The following EED variants were observed in gnomAD, a reference collection of about 807,000 sequenced individuals.
The protein encoded by EED is polycomb protein EED.
In EED, 9 loss-of-function variants were observed where a neutral mutation model predicts 61.0. The ratio of observed to expected loss-of-function variants is 0.15; its 90% CI spans 0.09 to 0.26. The LOEUF (loss-of-function observed/expected upper bound fraction) is 0.26, where lower values mean the gene tolerates loss of function less well. Ranked by LOEUF, EED falls within the 10% of genes least tolerant of loss-of-function variation. The probability of loss-of-function intolerance (pLI) is 1.00; values close to 1 mark genes in which losing one functional copy is unlikely to be tolerated. For synonymous variants in EED, 187 were observed against 174.4 expected, an observed-to-expected ratio of 1.07 and a Z score of -0.57; for missense variants, 315 against 542.3, an observed-to-expected ratio of 0.58 and a Z score of 4.16.
rs1406291188 is a variant in EED at position 86,245,275 on chromosome 11, C to T, written c.46C>T (p.Pro16Ser). ...GACTGCGCCGGCGGGAACAGACATG[C>T]CTGCGGCCAAGAAGCAGAAGCTGAG... ...VSTAPAGTDM[P>S]AAKKQKLSSD... The change falls in exon 1 of 12, where the codon CCT becomes TCT. Residue 16 changes from proline to serine, a missense_variant. By Grantham distance (74) the Pro-to-Ser change is moderately conservative. This residue lies in a region of EED where 110 missense variants were observed against 86.9 expected (regional missense o/e 1.27). Coordinates refer to ENST00000263360, the MANE Select transcript of EED (RefSeq NM_003797.5). 6.2e-7 allele frequency: 1 copy of T among 1,613,532 alleles called. No homozygotes were observed. The highest frequency in any genetic ancestry group is 1.1e-5 in the South Asian group (1 of 91,064).
intron 8 of EED, 85 bp downstream of exon 8, chr11:86,266,301 C>A (rs1406156584): frequency 8.2e-7 from 1 of 1,225,634 alleles, no homozygotes; most frequent in South Asian, 1.9e-5. Flanking sequence ...CTATATAAGC[C>A]CCAACAATGA....
downstream of EED, among the ~76,000 whole-genome samples, chr11:86,280,382 T>C (rs542045700): frequency 2.0e-5 from 3 of 152,302 alleles, 1 homozygote; most frequent in African/African-American, 7.2e-5. Context: ...ATCAGCCACA[T>C]GTTTATACTC....
downstream of EED, among the ~76,000 whole-genome samples, chr11:86,283,418 C>T (rs1024012440): frequency 1.3e-5 from 2 of 152,210 alleles, no homozygotes; most frequent in Non-Finnish European, 2.9e-5. Context: ...TTTCAATTAT[C>T]ACCTACTATA....
intron 9 of EED, chr11:86,276,213 T>C (rs2138234338): frequency 6.6e-6 from 1 of 152,364 alleles, no homozygotes; most frequent in African/African-American, 2.4e-5. Flanking sequence ...GACAGTAATA[T>C]GAATAGTGCC....
At chr11:86,250,579 T>G (rs1163350004) in intron 2 of EED, 131 bp downstream of exon 2, 30 of 230,634 alleles carry the variant, frequency 1.3e-4, no homozygotes, top group Non-Finnish European at 1.9e-4. Context: ...TTCTGAAGGG[T>G]TTTTTTTTTT....
rs2138196910 is a variant in EED, at chr11:86,266,101, GA to G, written c.751del (p.Ile251Ter). The G allele has an allele frequency of 1.9e-6, 3 of 1,594,088 alleles. No homozygotes were observed. The highest frequency in any genetic ancestry group is 1.2e-5 in the South Asian group (1 of 86,562). ...VLSADYDLLG[E>X]KIMSCGMDHS... ...CATACAGGATTATGATCTTTTGGGT[GA>G]AAAAATAATGTCCTGTGGTATGGAT... On this transcript the variant is annotated frameshift_variant, in exon 8 of 12. Transcript: ENST00000263360. LOFTEE classifies it high-confidence loss of function.
chr11:86,270,629 T>C (rs1946093231), intron 9 of EED, among the ~76,000 whole-genome samples: 1 of 152,222 alleles, frequency 6.6e-6, no homozygotes, highest in Admixed American at 6.5e-5. Flanking sequence ...TCCTGTGTTC[T>C]CTTGTAAAAG....
intron 6 of EED, chr11:86,263,924 C>T (rs1945908040): frequency 4.5e-6 from 2 of 448,826 alleles, no homozygotes; most frequent in South Asian, 3.4e-5. Context: ...CCCCAGCTCA[C>T]ACCACTATTG....
chr11:86,283,378 T>C (rs530028032), downstream of EED, among the ~76,000 whole-genome samples: 44 of 152,234 alleles, frequency 2.9e-4, no homozygotes, highest in Non-Finnish European at 4.6e-4. Flanking sequence ...CCTTCCTCTC[T>C]GTACTTTCTC....
At chr11:86,264,476 A>G (rs756012975) in intron 7 of EED, 2 of 373,920 alleles carry the variant, frequency 5.3e-6, no homozygotes, top group Non-Finnish European at 9.5e-6. Flanking sequence ...CTTGCACTGT[A>G]TACCAATCCC....
intron 3 of EED, among the ~76,000 whole-genome samples, chr11:86,253,674 G>A (rs1057454869): frequency 3.9e-4 from 59 of 152,130 alleles, no homozygotes; most frequent in African/African-American, 1.3e-3. Flanking sequence ...AGGTTGTGAT[G>A]ATACACAGGA....
chr11:86,266,087 A>G lies in EED; in HGVS notation c.731A>G (p.Tyr244Cys). 1 of 1,591,806 alleles carries G rather than the reference A, an allele frequency of 6.3e-7. No individual in the cohort carries two copies. Among genetic ancestry groups the G allele is most frequent in the South Asian group, 1.2e-5 (1 of 85,924 alleles). ...GHRDEVLSAD[Y>C]DLLGEKIMSC... ...ACTTTTTGGTTTTGCATACAGGATT[A>G]TGATCTTTTGGGTGAAAAAATAATG... Residue 244 changes from tyrosine (Y) to cysteine (C), a missense_variant, in exon 8 of 12, where the codon TAT (tyrosine) becomes TGT (cysteine). By Grantham distance (194) the Tyr-to-Cys change is radical (BLOSUM62 -2). Around this residue, in one of 2 missense-constraint regions of EED, gnomAD observed 205 missense variants for 455.4 expected, o/e 0.45. Transcript: ENST00000263360.
chr11:86,269,167 A>G (rs1946053292), intron 9 of EED, among the ~76,000 whole-genome samples: 1 of 152,240 alleles, frequency 6.6e-6, no homozygotes, highest in African/African-American at 2.4e-5. Flanking sequence ...AGCCTGTTTT[A>G]TAATAAAGCA....
downstream of EED, among the ~76,000 whole-genome samples, chr11:86,279,115 A>AT (rs1489174796): frequency 6.6e-6 from 1 of 152,204 alleles, no homozygotes; most frequent in South Asian, 2.1e-4. Flanking sequence ...ATGGTTTTAT[A>AT]TTTTTTAATG....
At chr11:86,250,955 G>A (rs116040955) in intron 2 of EED, among the ~76,000 whole-genome samples, 1,978 of 151,964 alleles carry the variant, frequency 0.013, 46 homozygotes, top group African/African-American at 0.046. Flanking sequence ...TAGGGAAAAG[G>A]GGGTTTTGGT....
In EED at chr11:86,250,322, T is replaced by C. The variant is rs774435690; in HGVS notation, c.141T>C (p.Gly47=). 1 of 1,596,584 alleles carries C rather than the reference T, an allele frequency of 6.3e-7. No individual in the cohort carries two copies. Among genetic ancestry groups the C allele is most frequent in the Non-Finnish European group, 8.5e-7 (1 of 1,173,192 alleles). Reference sequence around the variant, plus strand: ...ATGACGCTGTCAGTATAGAAAGTGGTACAAACACTGAACGCCCTGATACAC... The same window carrying C: ...ATGACGCTGTCAGTATAGAAAGTGGCACAAACACTGAACGCCCTGATACAC... The part of the protein sequence containing the change: ...ENDDAVSIES[G]TNTERPDTPT... Residue 47 remains glycine (G), a synonymous_variant, in exon 2 of 12, where the codon GGT becomes GGC. Coordinates refer to ENST00000263360, the MANE Select transcript of EED (RefSeq NM_003797.5).
intron 2 of EED, among the ~76,000 whole-genome samples, chr11:86,250,838 T>C (rs989223473): frequency 6.6e-6 from 1 of 152,180 alleles, no homozygotes; most frequent in African/African-American, 2.4e-5. Flanking sequence ...TAAGTATAAA[T>C]TGAAACAGAT....
At chr11:86,258,555 G>T (rs200486030) in intron 6 of EED, among the ~76,000 whole-genome samples, 2,054 of 130,734 alleles carry the variant, frequency 0.016, 102 homozygotes, top group East Asian at 0.14. Flanking sequence ...TTGTTTTTTG[G>T]TTTTTTTTTT....
chr11:86,266,591 G>T (rs1423810364), intron 8 of EED, among the ~76,000 whole-genome samples: 1 of 152,058 alleles, frequency 6.6e-6, no homozygotes, highest in Non-Finnish European at 1.5e-5. Context: ...TTTTTTAAAT[G>T]ATGCTAATTC....
Sources: gnomAD v4.1 joint callset for allele counts (sites outside exome capture counted in the v4.1 genomes callset) on GRCh38, gnomAD v4.1.1 for gene constraint, gnomAD v4.1.1 regional missense constraint, MANE v1.5 for transcripts, NCBI Gene and HGNC (gene_info 2026-07-23, HGNC 2026-07-21) for gene names.